C13orf42: variants seen among roughly 807,000 people sequenced by gnomAD.
C13orf42 encodes uncharacterized protein C13orf42.
chr13:51,138,013 G>C (rs35362741), intron 1 of C13orf42, among the ~76,000 whole-genome samples: 46,574 of 151,954 alleles, frequency 0.31, 7,571 homozygotes, highest in Middle Eastern at 0.42. Flanking sequence ...AGGAGGGTTT[G>C]TGTCATCAGT....
At chr13:51,116,964 G>A (rs1442975597) in intron 1 of C13orf42, among the ~76,000 whole-genome samples, 1 of 152,206 alleles carries the variant, frequency 6.6e-6, no homozygotes, top group Non-Finnish European at 1.5e-5. Flanking sequence ...CTGAAACTAG[G>A]AACTAGCACC....
chr13:51,103,173 G>A (rs1351196466), intron 1 of C13orf42, among the ~76,000 whole-genome samples: 1 of 152,118 alleles, frequency 6.6e-6, no homozygotes, highest in Non-Finnish European at 1.5e-5. Context: ...GCCTGGCTCT[G>A]TCGCCAGCCT....
chr13:51,096,335 C>T (rs949841924), intron 1 of C13orf42, among the ~76,000 whole-genome samples: 3 of 152,100 alleles, frequency 2.0e-5, no homozygotes, highest in African/African-American at 4.8e-5. Context: ...TGATAAAGCC[C>T]CAGTCTCAGG....
At chr13:51,169,028 C>T (rs1042336183) in intron 1 of C13orf42, among the ~76,000 whole-genome samples, 4 of 152,122 alleles carry the variant, frequency 2.6e-5, no homozygotes, top group Non-Finnish European at 5.9e-5. Flanking sequence ...AACCCAGTTT[C>T]GGGTGGTTCT....
chr13:51,126,338 C>A (rs957444836), intron 1 of C13orf42, among the ~76,000 whole-genome samples: 2 of 152,134 alleles, frequency 1.3e-5, no homozygotes, highest in African/African-American at 2.4e-5. Context: ...CTGTTGACTG[C>A]CATTTAAATG....
At chr13:51,153,640 T>C (rs866135925) in intron 1 of C13orf42, among the ~76,000 whole-genome samples, 4,217 of 133,210 alleles carry the variant, frequency 0.032, 244 homozygotes, top group African/African-American at 0.11. Context: ...CTTTTTTTTT[T>C]TTTTTTTTTT....
intron 1 of C13orf42, chr13:51,172,115 G>C (rs1260377367): frequency 6.6e-6 from 1 of 152,152 alleles, no homozygotes; most frequent in Admixed American, 6.5e-5. Context: ...CGTTCCTCCA[G>C]AACCTCCTCC....
chr13:51,093,661 T>C (rs1953202599), intron 1 of C13orf42, among the ~76,000 whole-genome samples: 1 of 152,140 alleles, frequency 6.6e-6, no homozygotes, highest in African/African-American at 2.4e-5. Context: ...TGACATCGAT[T>C]GGGGGTTTAT....
intron 1 of C13orf42, among the ~76,000 whole-genome samples, chr13:51,130,503 G>C (rs889799774): frequency 6.6e-5 from 10 of 152,194 alleles, no homozygotes; most frequent in African/African-American, 2.4e-4. Flanking sequence ...GTTGTAGATG[G>C]TCTGTGTACA....
At chr13:51,110,127 G>A (rs1304847829) in intron 1 of C13orf42, among the ~76,000 whole-genome samples, 2 of 152,200 alleles carry the variant, frequency 1.3e-5, no homozygotes, top group Non-Finnish European at 2.9e-5. Flanking sequence ...TACAGATGGA[G>A]GAATTTTCCA....
chr13:51,108,313 G>T (rs1053153993), intron 1 of C13orf42, among the ~76,000 whole-genome samples: 1 of 152,208 alleles, frequency 6.6e-6, no homozygotes, highest in Non-Finnish European at 1.5e-5. Context: ...TCAACTCATA[G>T]TAGGTAGTCA....
chr13:51,162,810 A>G (rs1476052796), intron 1 of C13orf42, among the ~76,000 whole-genome samples: 2 of 152,156 alleles, frequency 1.3e-5, no homozygotes, highest in African/African-American at 4.8e-5. Context: ...GCACTGCAGA[A>G]GTTCTGACTT....
intron 1 of C13orf42, among the ~76,000 whole-genome samples, chr13:51,124,189 C>T (rs978373225): frequency 4.6e-5 from 7 of 152,270 alleles, no homozygotes; most frequent in Non-Finnish European, 7.4e-5. Flanking sequence ...AGAACAGCTT[C>T]GACTCCCTAC....
chr13:51,088,930 A>G (rs1239131015), intron 1 of C13orf42, among the ~76,000 whole-genome samples: 1 of 152,184 alleles, frequency 6.6e-6, no homozygotes, highest in Non-Finnish European at 1.5e-5. Flanking sequence ...ATGGAAGTTC[A>G]AGATCCAAGA....
intron 1 of C13orf42, among the ~76,000 whole-genome samples, chr13:51,116,704 C>A (rs921346336): frequency 2.6e-5 from 4 of 152,250 alleles, no homozygotes; most frequent in African/African-American, 9.6e-5. Context: ...ATGTACAAAC[C>A]ATTCCAAGAC....
At chr13:51,142,772 G>A (rs1465895915) in intron 1 of C13orf42, among the ~76,000 whole-genome samples, 3 of 151,656 alleles carry the variant, frequency 2.0e-5, no homozygotes, top group Non-Finnish European at 4.4e-5. Context: ...ATTTTTTTAG[G>A]TAAAAAAGCT....
intron 1 of C13orf42, among the ~76,000 whole-genome samples, chr13:51,171,369 G>A (rs1374014441): frequency 2.6e-5 from 4 of 152,012 alleles, no homozygotes; most frequent in East Asian, 1.9e-4. Context: ...GGTGCCTGAC[G>A]TCCAGGCATT....
At chr13:51,135,766 A>T (rs1953653213) in intron 1 of C13orf42, among the ~76,000 whole-genome samples, 1 of 152,066 alleles carries the variant, frequency 6.6e-6, no homozygotes, top group South Asian at 2.1e-4. Context: ...CAAGATTCCA[A>T]GAGGCATCTG....
Position 51,162,895 on chromosome 13 carries a change from G to A in C13orf42, n.136+9358C>T, listed in dbSNP as rs75860004. Among the ~76,000 whole-genome samples the A allele has an allele frequency of 3.1e-4, 47 of 152,266 alleles. 1 individual carries two copies. In the East Asian group the frequency reaches 6.6e-3, roughly 21 times the overall value. ...TTTAATATTTTGCTTCCCTAGCACC[G>A]TGAGTCTACCAGAAACCCTGCTCCA... is the stretch of plus-strand genomic sequence containing the variant. On this transcript the variant is annotated intron_variant and non_coding_transcript_variant, in intron 1 of 4. Transcript: ENST00000433280.
Sources: allele counts gnomAD v4.1 joint callset (sites outside exome capture counted in the v4.1 genomes callset), GRCh38; gene constraint gnomAD v4.1.1; transcripts MANE v1.5; gene names NCBI Gene and HGNC (gene_info 2026-07-23, HGNC 2026-07-21).